Variants in PTPRD observed in about 807,000 individuals in gnomAD.
PTPRD encodes the protein protein tyrosine phosphatase receptor type D.
In PTPRD, 34 loss-of-function variants were observed where a neutral mutation model predicts 214.5. That is an observed-to-expected ratio of 0.16 (90% CI 0.12 to 0.21). The LOEUF (loss-of-function observed/expected upper bound fraction) is 0.21. Among genes scored for constraint, PTPRD ranks in the 10% least tolerant of loss-of-function variants. The pLI, the probability that PTPRD is intolerant of heterozygous loss-of-function variation, is 1.00. For synonymous variants in PTPRD, 1,128 were observed against 845.7 expected (o/e 1.33, Z -5.79); for missense variants, 2,545 against 2,398.7 (o/e 1.06, Z -1.27).
At chr9:9,386,043 T>A (rs954842836) in intron 9 of PTPRD, among the ~76,000 whole-genome samples, 4 of 152,144 alleles carry the variant, frequency 2.6e-5, no homozygotes, top group Non-Finnish European at 4.4e-5. Flanking sequence ...TGAAAATACT[T>A]ACCTAAGGGA....
At chr9:8,427,499 C>A (rs1041117722) in intron 35 of PTPRD, among the ~76,000 whole-genome samples, 2 of 151,932 alleles carry the variant, frequency 1.3e-5, no homozygotes, top group African/African-American at 4.8e-5. Flanking sequence ...CTTGTTACCA[C>A]GTGGCCAACA....
At chr9:8,722,731 C>T (rs1470628683) in intron 12 of PTPRD, among the ~76,000 whole-genome samples, 1 of 152,154 alleles carries the variant, frequency 6.6e-6, no homozygotes, top group Non-Finnish European at 1.5e-5. Flanking sequence ...TCACTATCTG[C>T]AGCTATGGAT....
At chr9:8,777,546 G>A (rs10453208) in intron 11 of PTPRD, among the ~76,000 whole-genome samples, 5,792 of 152,234 alleles carry the variant, frequency 0.038, 202 homozygotes, top group African/African-American at 0.087. Flanking sequence ...TACAGCTAGT[G>A]CATTTGTTTT....
At chr9:9,609,917 T>C (rs2094427881) in intron 7 of PTPRD, among the ~76,000 whole-genome samples, 2 of 152,346 alleles carry the variant, frequency 1.3e-5, no homozygotes, top group African/African-American at 4.8e-5. Flanking sequence ...TAAGAACATT[T>C]AGGCTAATAC....
intron 12 of PTPRD, among the ~76,000 whole-genome samples, chr9:8,721,337 C>CA (rs925613691): frequency 4.1e-5 from 6 of 147,808 alleles, no homozygotes; most frequent in Admixed American, 3.4e-4. Flanking sequence ...GGCTGAGGCA[C>CA]AAGAATCGCT....
chr9:9,381,594 C>G (rs1055602506), intron 9 of PTPRD, among the ~76,000 whole-genome samples: 1 of 151,978 alleles, frequency 6.6e-6, no homozygotes, highest in Non-Finnish European at 1.5e-5. Flanking sequence ...GCTCAGCAAC[C>G]TACCCACCTC....
At chr9:9,403,065 GGAT>G (rs1306745607) in intron 8 of PTPRD, among the ~76,000 whole-genome samples, 1 of 150,558 alleles carries the variant, frequency 6.6e-6, no homozygotes, top group African/African-American at 2.4e-5. Context: ...AAAGGCGAGT[GGAT>G]CACTTGAGGT....
At position 10,369,528 on chromosome 9, in the gene PTPRD, T is replaced by A. The variant is rs527405627; in HGVS notation, c.-599-28511A>T. 2.0e-5 allele frequency among the ~76,000 whole-genome samples: 3 copies of A among 152,234 alleles called. No homozygotes were observed. The East Asian group carries it at 5.8e-4, about 29-fold the overall frequency. On this transcript the variant is annotated intron_variant, in intron 2 of 45. Coordinates refer to ENST00000381196, the MANE Select transcript of PTPRD (RefSeq NM_002839.4). ...AAACACAACTTTGAAAGCCAAGTGT[T>A]TTCTAGTATGTATAAGAATGAGGCT... is the stretch of plus-strand genomic sequence containing the variant.
chr9:8,858,636 G>C (rs1317785789), intron 11 of PTPRD, among the ~76,000 whole-genome samples: 1 of 152,156 alleles, frequency 6.6e-6, no homozygotes, highest in East Asian at 1.9e-4. Flanking sequence ...GTGTGTGCGC[G>C]TTGCCTGCGC....
chr9:9,405,541 A>G (rs531578271), intron 8 of PTPRD, among the ~76,000 whole-genome samples: 2 of 152,170 alleles, frequency 1.3e-5, no homozygotes, highest in South Asian at 4.1e-4. Flanking sequence ...GCTTTATAAC[A>G]TTAGCCTGGG....
intron 7 of PTPRD, among the ~76,000 whole-genome samples, chr9:9,615,125 G>C (rs752077529): frequency 6.6e-6 from 1 of 152,118 alleles, no homozygotes; most frequent in Non-Finnish European, 1.5e-5. Flanking sequence ...TTGTGACCTT[G>C]TTGCCTTGAC....
chr9:10,464,214 A>G (rs542952266), intron 2 of PTPRD, among the ~76,000 whole-genome samples: 11 of 152,234 alleles, frequency 7.2e-5, no homozygotes, highest in African/African-American at 2.4e-4. Flanking sequence ...CCTGACCAAC[A>G]TGGTGAAACC....
At chr9:8,473,464 A>C (rs2096699801) in intron 30 of PTPRD, among the ~76,000 whole-genome samples, 1 of 152,156 alleles carries the variant, frequency 6.6e-6, no homozygotes, top group Non-Finnish European at 1.5e-5. Flanking sequence ...GTACAAAATC[A>C]CACTGCAGAT....
intron 10 of PTPRD, among the ~76,000 whole-genome samples, chr9:9,080,865 G>C (rs2099757987): frequency 6.6e-6 from 1 of 151,782 alleles, no homozygotes; most frequent in African/African-American, 2.4e-5. Context: ...ATTTTTTATT[G>C]CATCTATTTG....
chr9:8,741,248 C>T (rs1281604166), intron 11 of PTPRD, among the ~76,000 whole-genome samples: 1 of 151,904 alleles, frequency 6.6e-6, no homozygotes, highest in East Asian at 1.9e-4. Flanking sequence ...ATCTATTGTT[C>T]CCCTACAAAT....
intron 3 of PTPRD, among the ~76,000 whole-genome samples, chr9:10,141,479 C>A (rs571560219): frequency 6.6e-6 from 1 of 152,240 alleles, no homozygotes; most frequent in South Asian, 2.1e-4. Flanking sequence ...AGAGCCAAAT[C>A]ATGAGTGAAC....
At chr9:10,005,158 G>A (rs1291777028) in intron 4 of PTPRD, among the ~76,000 whole-genome samples, 1 of 151,794 alleles carries the variant, frequency 6.6e-6, no homozygotes, top group East Asian at 1.9e-4. Flanking sequence ...ACCTTTGGGC[G>A]ATTATAATAA....
chr9:10,159,307 A>G (rs1187703247), intron 3 of PTPRD, among the ~76,000 whole-genome samples: 1 of 152,192 alleles, frequency 6.6e-6, no homozygotes, highest in Non-Finnish European at 1.5e-5. Context: ...TATCTAAGCA[A>G]ATATAGTCAG....
intron 11 of PTPRD, among the ~76,000 whole-genome samples, chr9:8,914,022 T>C (rs1199698848): frequency 1.3e-5 from 2 of 152,146 alleles, no homozygotes; most frequent in African/African-American, 4.8e-5. Context: ...AGTTTGGTCA[T>C]GGATTCAGAG....
Sources: allele counts gnomAD v4.1 joint callset (sites outside exome capture counted in the v4.1 genomes callset), GRCh38; gene constraint gnomAD v4.1.1; transcripts MANE v1.5; gene names NCBI Gene and HGNC (gene_info 2026-07-23, HGNC 2026-07-21).